Variants in INTS10 observed in about 807,000 individuals in gnomAD.
INTS10 encodes the protein chromosome 8 open reading frame 35.
In INTS10, 44 loss-of-function variants were observed where a neutral mutation model predicts 94.4. The observed-to-expected ratio is 0.47, with a 90% CI of 0.37 to 0.60. The LOEUF is 0.60. Among genes scored for constraint, INTS10 ranks in the 20% least tolerant of loss-of-function variants. INTS10 has a pLI of 0.00. For synonymous variants in INTS10, 341 were observed against 320.7 expected (o/e 1.06, Z -0.68); for missense variants, 797 against 868.7 (o/e 0.92, Z 1.04).
intron 15 of INTS10, among the ~76,000 whole-genome samples, chr8:19,844,698 T>G (rs1489640760): frequency 6.6e-6 from 1 of 152,180 alleles, no homozygotes; most frequent in Non-Finnish European, 1.5e-5. Context: ...CCACCAGAGA[T>G]GCTGCACAGC....
intron 10 of INTS10, among the ~76,000 whole-genome samples, chr8:19,831,313 T>A (rs2067211601): frequency 6.6e-6 from 1 of 152,200 alleles, no homozygotes; most frequent in Non-Finnish European, 1.5e-5. Context: ...AGGGGATCTT[T>A]CCTTTAGTTA....
intron 13 of INTS10, among the ~76,000 whole-genome samples, chr8:19,839,713 CA>C (rs2067965832): frequency 6.6e-6 from 1 of 151,266 alleles, no homozygotes; most frequent in Non-Finnish European, 1.5e-5. Flanking sequence ...AAAACAAAAA[CA>C]AAAAACCCAA....
Position 19,833,174 on chromosome 8 carries a change from A to G in INTS10, c.1383A>G (p.Gln461=), listed in dbSNP as rs2067374619. 2.5e-6 allele frequency: 4 copies of G among 1,586,366 alleles called. No homozygotes were observed. Among genetic ancestry groups the G allele is most frequent in the Middle Eastern group, 1.7e-4 (1 of 5,960 alleles). Residue 461 remains glutamine, a synonymous_variant, in exon 12 of 17, where the codon CAA becomes CAG. Transcript: ENST00000397977. The part of the protein sequence containing the change: ...FLTDMIIYQG[Q]YKKAIASLHH... The stretch of plus-strand genomic sequence containing the variant: ...TGCTATTCTATCTTTCTTAGGGTCA[A>G]TATAAAAAGGCGATAGCCAGCCTGC...
At chr8:19,844,824 A>G (rs987516754) in intron 15 of INTS10, among the ~76,000 whole-genome samples, 13 of 152,118 alleles carry the variant, frequency 8.5e-5, no homozygotes, top group African/African-American at 3.1e-4. Context: ...TGTTTATCTT[A>G]TTACATTATT....
Position 19,851,995 on chromosome 8 carries a change from G to A in INTS10, c.*190G>A, listed in dbSNP as rs764188741. 1 of 414,696 alleles carries A rather than the reference G, an allele frequency of 2.4e-6. No individual in the cohort carries two copies. Among genetic ancestry groups the A allele is most frequent in the African/African-American group, 2.0e-5 (1 of 50,428 alleles). 25.7% of individuals were successfully genotyped at this position (414,696 alleles called of 1,614,324 possible). ...TGAGAAGCTATTTCTATTTTTAAGA[G>A]TCATTTTTTGTAATTTTTGTAAAAC... On this transcript the variant is annotated 3_prime_UTR_variant, in exon 17 of 17. Coordinates refer to ENST00000397977, the MANE Select transcript of INTS10 (RefSeq NM_018142.4). The surrounding 1 kb of genome is among the most constrained non-coding windows in gnomAD (Gnocchi z 5.0).
intron 7 of INTS10, chr8:19,824,571 C>G: frequency 2.2e-6 from 1 of 451,768 alleles, no homozygotes; most frequent in Non-Finnish European, 3.8e-6. Flanking sequence ...TGAACGTCTC[C>G]TAGATACTTC....
intron 13 of INTS10, chr8:19,841,948 C>A: frequency 2.4e-6 from 1 of 418,030 alleles, no homozygotes; most frequent in Non-Finnish European, 4.7e-6. Context: ...TTGGATCTAT[C>A]ACATTATGTA....
At position 19,817,524 on chromosome 8, in the gene INTS10, A is replaced by G; in HGVS notation, c.-14A>G. On this transcript the variant is annotated 5_prime_UTR_variant, in exon 1 of 17. Coordinates refer to ENST00000397977, the MANE Select transcript of INTS10 (RefSeq NM_018142.4). ...CCGGCCGCTTCGGGCTGGCGGCTGG[A>G]GAGCGCTCGGGTCATGTCTGCCCAG... 1 of 1,602,776 alleles carries G rather than the reference A, an allele frequency of 6.2e-7. No individual in the cohort carries two copies.
rs73599573 is a variant in INTS10, at chr8:19,833,125, T to C, written c.1378-44T>C. 4.3e-3 allele frequency: 6,332 copies of C among 1,469,450 alleles called. 252 individuals carry two copies. The African/African-American group carries it at 0.083, about 19-fold the overall frequency. 91.0% of individuals were successfully genotyped at this position (1,469,450 alleles called of 1,614,324 possible). A position where few individuals can be genotyped will look rare whatever the true frequency, so the allele number is the denominator to read the frequency against. Reference sequence around the variant, plus strand: ...ACGGTATTTTTTAAATTTCTTTTTTTAACAGCGATGCTTTTCCCCTCCTTG... The same window carrying C: ...ACGGTATTTTTTAAATTTCTTTTTTCAACAGCGATGCTTTTCCCCTCCTTG... On this transcript the variant is annotated intron_variant, in intron 11 of 16. Coordinates refer to ENST00000397977, the MANE Select transcript of INTS10 (RefSeq NM_018142.4).
chr8:19,845,821 T>C (rs780928993), intron 16 of INTS10, 24 bp downstream of exon 16: 2 of 1,522,756 alleles, frequency 1.3e-6, no homozygotes, highest in Non-Finnish European at 1.8e-6. Context: ...CTTTTGCTCT[T>C]CCATGCTGAG....
intron 9 of INTS10, among the ~76,000 whole-genome samples, chr8:19,828,050 A>C (rs1205029592): frequency 6.6e-6 from 1 of 151,840 alleles, no homozygotes; most frequent in Non-Finnish European, 1.5e-5. Flanking sequence ...CTCTATAAAA[A>C]ATGAAAAAAA....
In INTS10 at chr8:19,851,916, G is replaced by C. The variant is rs2069067362; in HGVS notation, c.*111G>C. On this transcript the variant is annotated 3_prime_UTR_variant, in exon 17 of 17. Transcript: ENST00000397977. This position sits in a 1 kb window ranked among gnomAD's most constrained non-coding sequence, Gnocchi z 5.0. Reference sequence around the variant, plus strand: ...TGGTCATTGTTGCTGTTACAAAGAAGAAAACCATCTGAGTTCTAACTCCTT... The same window carrying C: ...TGGTCATTGTTGCTGTTACAAAGAACAAAACCATCTGAGTTCTAACTCCTT... 2.2e-6 allele frequency: 2 copies of C among 915,178 alleles called. No individual in the cohort carries two copies. Among genetic ancestry groups the C allele is most frequent in the Non-Finnish European group, 3.3e-6 (2 of 607,138 alleles). 56.7% of individuals were successfully genotyped at this position (915,178 alleles called of 1,614,324 possible). A position where few individuals can be genotyped will look rare whatever the true frequency, so the allele number is the denominator to read the frequency against.
At chr8:19,836,467 C>T (rs1444483237) in intron 12 of INTS10, among the ~76,000 whole-genome samples, 1 of 152,186 alleles carries the variant, frequency 6.6e-6, no homozygotes. Context: ...AACCGCTGGC[C>T]CTCAAGTAAA....
chr8:19,824,102 C>A, intron 7 of INTS10, 58 bp downstream of exon 7: 1 of 1,402,542 alleles, frequency 7.1e-7, no homozygotes, highest in South Asian at 1.4e-5. Flanking sequence ...CTTATAAAAA[C>A]AAAATCATGC....
rs764667079 is a variant in INTS10, at chr8:19,849,705, C to A, written c.1977-1944C>A. Reference sequence around the variant, plus strand: ...AGGCACTAATGTGTTTTTTTTCCTGCTACTGATGTTTTTTCAGACCTTACC... The same window carrying A: ...AGGCACTAATGTGTTTTTTTTCCTGATACTGATGTTTTTTCAGACCTTACC... On this transcript the variant is annotated intron_variant, in intron 16 of 16. Coordinates refer to ENST00000397977, the MANE Select transcript of INTS10 (RefSeq NM_018142.4). The surrounding 1 kb of genome is among the most constrained non-coding windows in gnomAD (Gnocchi z 4.6). Among the ~76,000 whole-genome samples the A allele has an allele frequency of 6.6e-6, 1 of 152,002 alleles. No homozygotes were observed. Among genetic ancestry groups the A allele is most frequent in the South Asian group, 2.1e-4 (1 of 4,822 alleles).
In INTS10 at chr8:19,818,261, G is replaced by T; in HGVS notation, c.130-14G>T. ...GCAGGGGTGAGTGACCAGGGTGCCT[G>T]ATGTGTGTTGCAGTATGAGATGTAC... is the stretch of plus-strand genomic sequence containing the variant. On this transcript the variant is annotated splice_polypyrimidine_tract_variant and intron_variant, in intron 1 of 16. Coordinates refer to ENST00000397977, the MANE Select transcript of INTS10 (RefSeq NM_018142.4). 6.2e-7 allele frequency: 1 copy of T among 1,613,350 alleles called. No individual in the cohort carries two copies. The highest frequency in any genetic ancestry group is 8.5e-7 in the Non-Finnish European group (1 of 1,179,910).
At position 19,832,014 on chromosome 8, in the gene INTS10, G is replaced by T. The variant is rs577904559; in HGVS notation, c.1295-14G>T. 1 of 1,529,322 alleles carries T rather than the reference G, an allele frequency of 6.5e-7. No individual in the cohort carries two copies. The highest frequency in any genetic ancestry group is 9.1e-7 in the Non-Finnish European group (1 of 1,102,772). The allele number at this position is 1,529,322 out of a possible 1,614,324, so 94.7% of individuals were successfully genotyped here. On this transcript the variant is annotated splice_polypyrimidine_tract_variant and intron_variant, in intron 10 of 16. Transcript: ENST00000397977. ...GCATATATTTGGTAAATTTGTTCTTGAATTCTTACTCAGAATTTACAAGGA... is the reference window on the plus strand; with the variant it reads ...GCATATATTTGGTAAATTTGTTCTTTAATTCTTACTCAGAATTTACAAGGA...
chr8:19,835,738 T>C (rs576753524), intron 12 of INTS10, among the ~76,000 whole-genome samples: 1 of 152,332 alleles, frequency 6.6e-6, no homozygotes, highest in African/African-American at 2.4e-5. Flanking sequence ...TTCACAACCC[T>C]GTGGGCATAG....
At position 19,820,456 on chromosome 8, in the gene INTS10, G is replaced by C. The variant is rs1202525917; in HGVS notation, c.379G>C (p.Glu127Gln). 1 of 1,613,474 alleles carries C rather than the reference G, an allele frequency of 6.2e-7. No homozygotes were observed. The highest frequency in any genetic ancestry group is 1.1e-5 in the South Asian group (1 of 91,028). Residue 127 changes from glutamate to glutamine, a missense_variant, in exon 4 of 17, where the codon GAA becomes CAA. Physicochemically the swap from Glu to Gln is conservative, Grantham distance 29. Coordinates refer to ENST00000397977, the MANE Select transcript of INTS10 (RefSeq NM_018142.4). ...CACGGAACAATGCTTCAACACGTTA[G>C]AACGATCAGAAATGTTGCTTCTACT... ...KVTEQCFNTL[E>Q]RSEMLLLLLR...
Sources: gnomAD v4.1 joint callset for allele counts (sites outside exome capture counted in the v4.1 genomes callset) on GRCh38, gnomAD v4.1.1 for gene constraint, Gnocchi (gnomAD v3.1) non-coding constraint, MANE v1.5 for transcripts, NCBI Gene and HGNC (gene_info 2026-07-23, HGNC 2026-07-21) for gene names.